Variants in PDE11A observed in about 807,000 individuals in gnomAD.
PDE11A encodes dual 3',5'-cyclic-AMP and -GMP phosphodiesterase 11A.
In PDE11A, 100 loss-of-function variants were observed where a neutral mutation model predicts 100.5. That is an observed-to-expected ratio of 1.00 (90% CI 0.85 to 1.18). The LOEUF (loss-of-function observed/expected upper bound fraction) is 1.18, where lower values mean the gene tolerates loss of function less well. PDE11A is among the 50% of genes most tolerant of loss of function. The pLI is 0.00. For missense variants in PDE11A, 1,141 were observed against 1,152.6 expected, an observed-to-expected ratio of 0.99 and a Z score of 0.15; for synonymous variants, 381 against 420.8, an observed-to-expected ratio of 0.91 and a Z score of 1.16.
At chr2:177,927,561 G>C (rs2085146675) in intron 2 of PDE11A, among the ~76,000 whole-genome samples, 1 of 152,160 alleles carries the variant, frequency 6.6e-6, no homozygotes, top group South Asian at 2.1e-4. Context: ...TAAGAGTAAA[G>C]TGTTTAACAC....
intron 15 of PDE11A, among the ~76,000 whole-genome samples, chr2:177,690,472 A>G (rs2081026129): frequency 1.3e-5 from 2 of 152,252 alleles, no homozygotes; most frequent in East Asian, 1.9e-4. Flanking sequence ...GCCTAGCAGT[A>G]GAAACATTTG....
Position 178,072,725 on chromosome 2 carries a change from T to C in PDE11A, c.-288A>G, listed in dbSNP as rs2087154524. 3 of 1,363,130 alleles carry C rather than the reference T, an allele frequency of 2.2e-6. No homozygotes were observed. Among genetic ancestry groups the C allele is most frequent in the East Asian group, 3.1e-5 (1 of 32,710 alleles). The allele number at this position is 1,363,130 out of a possible 1,614,324, so 84.4% of individuals were successfully genotyped here. On this transcript the variant is annotated 5_prime_UTR_variant, in exon 1 of 20. Coordinates refer to ENST00000286063, the MANE Select transcript of PDE11A (RefSeq NM_016953.4). ...GCTCCTGTTCCGGAAACCCGAGCTA[T>C]CGCTGCTCCTGTTCTGGCTGCCGCC...
chr2:177,962,723 AAC>A (rs2085650450), intron 2 of PDE11A, among the ~76,000 whole-genome samples: 1 of 152,184 alleles, frequency 6.6e-6, no homozygotes, highest in Admixed American at 6.5e-5. Context: ...AGCAAATCCT[AAC>A]AACATTTTAA....
At chr2:177,693,116 T>C (rs562158485) in intron 15 of PDE11A, among the ~76,000 whole-genome samples, 5 of 152,316 alleles carry the variant, frequency 3.3e-5, no homozygotes, top group African/African-American at 9.6e-5. Context: ...TTCCAGAAAC[T>C]AATTGTACGG....
At chr2:177,794,761 C>G (rs2082681014) in intron 9 of PDE11A, among the ~76,000 whole-genome samples, 1 of 151,072 alleles carries the variant, frequency 6.6e-6, no homozygotes. Context: ...TAATTGGTGT[C>G]TGGTTTTTGT....
intron 5 of PDE11A, among the ~76,000 whole-genome samples, chr2:177,859,794 T>A (rs1157791724): frequency 6.6e-6 from 1 of 151,714 alleles, no homozygotes; most frequent in Non-Finnish European, 1.5e-5. Flanking sequence ...TGTGATAGAA[T>A]TAGAAAGAAT....
At chr2:177,696,554 T>C (rs1402744114) in intron 15 of PDE11A, among the ~76,000 whole-genome samples, 1 of 152,150 alleles carries the variant, frequency 6.6e-6, no homozygotes, top group Non-Finnish European at 1.5e-5. Context: ...GAGTGTACAA[T>C]TTTGATAGAG....
chr2:178,041,778 T>C (rs1322771932), intron 1 of PDE11A, among the ~76,000 whole-genome samples: 1 of 152,214 alleles, frequency 6.6e-6, no homozygotes, highest in East Asian at 1.9e-4. Context: ...TTGGAAGTGC[T>C]GTTTGTCCAG....
At chr2:177,750,771 TA>T (rs1308558029) in intron 10 of PDE11A, among the ~76,000 whole-genome samples, 6 of 152,198 alleles carry the variant, frequency 3.9e-5, no homozygotes, top group South Asian at 2.1e-4. Context: ...ATATAGCATT[TA>T]AAAAAATTAT....
rs1459121757 is a variant in PDE11A, at chr2:178,026,273, T to C, written c.913-11813A>G. On this transcript the variant is annotated intron_variant, in intron 1 of 19. Coordinates refer to ENST00000286063, the MANE Select transcript of PDE11A (RefSeq NM_016953.4). Reference sequence around the variant, plus strand: ...GCAAATACCAGAATTTATAGAGTCATAGTGATATGTTATATTTTAATTACA... The same window carrying C: ...GCAAATACCAGAATTTATAGAGTCACAGTGATATGTTATATTTTAATTACA... 4.6e-5 allele frequency among the ~76,000 whole-genome samples: 7 copies of C among 152,214 alleles called. No homozygotes were observed. The East Asian group carries it at 9.6e-4, about 21-fold the overall frequency.
At chr2:178,075,526 T>G (rs1574385833), upstream of PDE11A, among the ~76,000 whole-genome samples, 1 of 116,880 alleles carries the variant, frequency 8.6e-6, no homozygotes, top group Non-Finnish European at 1.6e-5. Flanking sequence ...CACTCCAGCC[T>G]GGGCAACAGA....
At chr2:177,643,877 A>T (rs2080182302) in intron 19 of PDE11A, among the ~76,000 whole-genome samples, 2 of 152,256 alleles carry the variant, frequency 1.3e-5, no homozygotes, top group South Asian at 2.1e-4. Flanking sequence ...TACAGCTTGG[A>T]CAGTGGCTTC....
chr2:178,005,118 C>G (rs1559039337), intron 2 of PDE11A, among the ~76,000 whole-genome samples: 1 of 147,374 alleles, frequency 6.8e-6, no homozygotes, highest in Non-Finnish European at 1.5e-5. Context: ...GTCCCCTTTA[C>G]TCCAGGTGTT....
intron 16 of PDE11A, 167 bp from the exon 17 acceptor site, chr2:177,675,685 C>T: frequency 1.4e-6 from 1 of 708,920 alleles, no homozygotes. Flanking sequence ...TGTTCAGCAT[C>T]TCCATCATGT....
chr2:177,837,478 T>C (rs1373635561), intron 6 of PDE11A, among the ~76,000 whole-genome samples: 1 of 93,548 alleles, frequency 1.1e-5, no homozygotes, highest in Non-Finnish European at 2.1e-5. Context: ...CTTTCTTTCT[T>C]TTTTTTTTTT....
chr2:177,753,204 G>T (rs1285112849), intron 10 of PDE11A, among the ~76,000 whole-genome samples: 1 of 152,164 alleles, frequency 6.6e-6, no homozygotes, highest in Non-Finnish European at 1.5e-5. Flanking sequence ...CCAACATGTA[G>T]CCTGAAGTGC....
chr2:178,007,105 T>C (rs965599373), intron 2 of PDE11A, among the ~76,000 whole-genome samples: 5 of 152,220 alleles, frequency 3.3e-5, no homozygotes, highest in Non-Finnish European at 7.3e-5. Flanking sequence ...TACATCTATG[T>C]TAAGATTCAA....
chr2:177,766,803 A>G (rs1215026507), intron 10 of PDE11A, among the ~76,000 whole-genome samples: 3 of 152,216 alleles, frequency 2.0e-5, no homozygotes, highest in African/African-American at 7.2e-5. Context: ...ATGATCTACT[A>G]TATCTCAGTT....
intron 19 of PDE11A, among the ~76,000 whole-genome samples, chr2:177,662,514 C>G (rs1020562433): frequency 1.3e-5 from 2 of 152,176 alleles, no homozygotes; most frequent in African/African-American, 4.8e-5. Flanking sequence ...ATACACCTGA[C>G]CCAAAAGTTG....
Sources: allele counts gnomAD v4.1 joint callset (sites outside exome capture counted in the v4.1 genomes callset), GRCh38; gene constraint gnomAD v4.1.1; transcripts MANE v1.5; gene names NCBI Gene and HGNC (gene_info 2026-07-23, HGNC 2026-07-21).